Variants in PRRT4 observed in about 807,000 individuals in gnomAD.
PRRT4 encodes proline-rich transmembrane protein 4.
A neutral mutation model predicts 55.6 loss-of-function variants in PRRT4; 59 were observed. The ratio of observed to expected loss-of-function variants is 1.06; its 90% CI spans 0.86 to 1.32. The LOEUF is 1.32. PRRT4 is among the 40% of genes most tolerant of loss of function. The pLI is 0.00. For missense variants in PRRT4, 1,217 were observed against 1,222.0 expected, an observed-to-expected ratio of 1.00 and a Z score of 0.06; for synonymous variants, 606 against 601.8, an observed-to-expected ratio of 1.01 and a Z score of -0.10.
intron 4 of PRRT4, among the ~76,000 whole-genome samples, chr7:128,353,664 C>T (rs1217514742): frequency 1.3e-5 from 2 of 152,172 alleles, no homozygotes; most frequent in African/African-American, 4.8e-5. Flanking sequence ...ATGCTTCTCC[C>T]CACACTGTAC....
At chr7:128,353,968 C>T (rs1473030580) in intron 4 of PRRT4, among the ~76,000 whole-genome samples, 1 of 152,154 alleles carries the variant, frequency 6.6e-6, no homozygotes, top group Non-Finnish European at 1.5e-5. Flanking sequence ...AGGATTCTCC[C>T]CAGGGCCAGG....
chr7:128,351,651 G>C (rs1796974402), exon 5 of PRRT4: 12 of 1,513,864 alleles, frequency 7.9e-6, no homozygotes, highest in Non-Finnish European at 9.7e-6. Context: ...GGAAGAGCTT[G>C]GCCCAGCAGC....
intron 4 of PRRT4, 23 bp from the exon 6 acceptor site, chr7:128,352,701 T>C (rs1331117846): frequency 6.6e-7 from 1 of 1,504,902 alleles, no homozygotes; most frequent in East Asian, 2.5e-5. Context: ...AACGTTTGGC[T>C]TGAGGCAATG....
exon 5 of PRRT4, chr7:128,351,469 C>G (rs1422580427): frequency 2.0e-6 from 3 of 1,520,472 alleles, no homozygotes; most frequent in Non-Finnish European, 2.6e-6. Flanking sequence ...GCCTTCGAAG[C>G]CCCGGCAACC....
Position 128,351,538 on chromosome 7 carries a change from TC to T in PRRT4, c.2017del (p.Glu673SerfsTer218). ...TGCCAGCGCGCACAGCTGCAGCAGC[TC>T]CGCGTCCCCGCGAGCGATGGCGCTC... On this transcript the variant is annotated frameshift_variant, in exon 5 of 5. Transcript: ENST00000535159. LOFTEE classifies it high-confidence loss of function. The T allele has an allele frequency of 6.7e-7, 1 of 1,482,988 alleles. No individual in the cohort carries two copies. The highest frequency in any genetic ancestry group is 2.6e-5 in the East Asian group (1 of 38,908). The allele number at this position is 1,482,988 out of a possible 1,614,324, so 91.9% of individuals were successfully genotyped here.
At chr7:128,351,370 C>T (rs1796961327) in exon 5 of PRRT4, 5 of 1,545,672 alleles carry the variant, frequency 3.2e-6, no homozygotes, top group Non-Finnish European at 4.4e-6. Context: ...GATGCTGCGT[C>T]GCAGGTTGAT....
chr7:128,350,850 A>G, downstream of PRRT4: 1 of 1,549,904 alleles, frequency 6.5e-7, no homozygotes, highest in Non-Finnish European at 8.7e-7. Flanking sequence ...CAAGGTGGCC[A>G]CCTCTTCACA....
At chr7:128,351,587 G>T (rs1796971947) in exon 5 of PRRT4, 3 of 1,504,200 alleles carry the variant, frequency 2.0e-6, no homozygotes, top group Admixed American at 2.2e-5. Context: ...TTGTCTGGGG[G>T]CCCAGTGACC....
exon 5 of PRRT4, chr7:128,351,616 G>A (rs373043864): frequency 5.3e-6 from 8 of 1,509,844 alleles, no homozygotes; most frequent in South Asian, 4.9e-5. Context: ...CGGCAGCAGC[G>A]GAGCCGCGTG....
At chr7:128,356,183 C>T (rs1347258129) in intron 4 of PRRT4, among the ~76,000 whole-genome samples, 2 of 151,910 alleles carry the variant, frequency 1.3e-5, no homozygotes, top group Admixed American at 6.6e-5. Flanking sequence ...CGCTTGAACC[C>T]GGAGGATGCA....
exon 5 of PRRT4, chr7:128,351,290 G>C (rs1218548871): frequency 6.5e-7 from 1 of 1,542,086 alleles, no homozygotes; most frequent in Admixed American, 2.0e-5. Context: ...AGCCCAGGCA[G>C]AGCGTCCTCG....
chr7:128,352,426 A>G, exon 5 of PRRT4: 4 of 1,537,374 alleles, frequency 2.6e-6, no homozygotes, highest in Non-Finnish European at 3.5e-6. Flanking sequence ...CAGCAAGGCA[A>G]CCAGGCCGAA....
exon 5 of PRRT4, chr7:128,351,196 G>A (rs1207945746): frequency 3.9e-6 from 6 of 1,541,870 alleles, no homozygotes; most frequent in Non-Finnish European, 4.4e-6. Flanking sequence ...GGGGAGCTCC[G>A]GGGGCGCAGC....
chr7:128,359,839 G>C, exon 2 of PRRT4: 1 of 1,513,726 alleles, frequency 6.6e-7, no homozygotes, highest in South Asian at 1.3e-5. Flanking sequence ...TAAGTCCCAG[G>C]TTGAGAGACA....
At chr7:128,352,724 C>A in intron 4 of PRRT4, 46 bp from the exon 6 acceptor site, 1 of 1,457,858 alleles carries the variant, frequency 6.9e-7, no homozygotes, top group South Asian at 1.4e-5. Flanking sequence ...GCAGCCCTCC[C>A]CTTACCCACC....
chr7:128,352,058 C>G, exon 5 of PRRT4: 1 of 1,220,092 alleles, frequency 8.2e-7, no homozygotes, highest in Non-Finnish European at 1.0e-6. Context: ...GCGTGCAGCC[C>G]GCGCGAGGCG....
chr7:128,360,898 C>A (rs557387429), intron 1 of PRRT4, among the ~76,000 whole-genome samples: 1 of 151,814 alleles, frequency 6.6e-6, no homozygotes, highest in Non-Finnish European at 1.5e-5. Context: ...ACACATGCAC[C>A]CGGCACCCTT....
exon 5 of PRRT4, chr7:128,351,809 G>C: frequency 7.1e-7 from 1 of 1,418,088 alleles, no homozygotes; most frequent in Admixed American, 3.1e-5. Flanking sequence ...CCGTAGCCCA[G>C]GGCGTGCAGC....
chr7:128,353,864 T>G (rs935178093), intron 4 of PRRT4, among the ~76,000 whole-genome samples: 4 of 152,034 alleles, frequency 2.6e-5, no homozygotes, highest in Non-Finnish European at 5.9e-5. Context: ...CCATATCCCT[T>G]GGAAAAAGGG....
Sources: gnomAD v4.1 joint callset for allele counts (sites outside exome capture counted in the v4.1 genomes callset) on GRCh38, gnomAD v4.1.1 for gene constraint, MANE v1.5 for transcripts, NCBI Gene and HGNC (gene_info 2026-07-23, HGNC 2026-07-21) for gene names.